ZKSCAN7: variants seen among roughly 807,000 people sequenced by gnomAD.
The protein encoded by ZKSCAN7 is zinc finger protein with KRAB and SCAN domains 7.
A neutral mutation model predicts 65.3 loss-of-function variants in ZKSCAN7; 38 were observed. That is an observed-to-expected ratio of 0.58 (90% CI 0.45 to 0.76). ZKSCAN7 has a LOEUF of 0.76. ZKSCAN7 is among the 30% of genes least tolerant of loss of function. The pLI is 0.00. For missense variants in ZKSCAN7, 815 were observed against 913.3 expected (o/e 0.89, Z 1.39); for synonymous variants, 321 against 321.0 (o/e 1.00, Z 0.00).
chr3:44,571,941 T>G lies in ZKSCAN7; in HGVS notation c.*566T>G. 1.0e-6 allele frequency: 1 copy of G among 986,520 alleles called. No homozygotes were observed. Among genetic ancestry groups the G allele is most frequent in the Non-Finnish European group, 1.2e-6 (1 of 830,616 alleles). The allele number at this position is 986,520 out of a possible 1,614,324, so 61.1% of individuals were successfully genotyped here. A position where few individuals can be genotyped will look rare whatever the true frequency, so the allele number is the denominator to read the frequency against. ...GAAATACTTTCTTCTTCAAGTACTT[T>G]TTTATTTTTCTTCAACTTCTCTTGA... On this transcript the variant is annotated 3_prime_UTR_variant, in exon 6 of 6. Coordinates refer to ENST00000426540, the MANE Select transcript of ZKSCAN7 (RefSeq NM_001288590.2).
At chr3:44,558,073 C>T (rs1699352826) in intron 2 of ZKSCAN7, among the ~76,000 whole-genome samples, 2 of 152,146 alleles carry the variant, frequency 1.3e-5, no homozygotes, top group African/African-American at 4.8e-5. Flanking sequence ...CAGTAAGACA[C>T]ATTGGAAAAT....
At position 44,567,060 on chromosome 3, in the gene ZKSCAN7, G is replaced by A. The variant is rs1699652302; in HGVS notation, c.593-852G>A. ...GAGCCTGGGAGGCAGAGGTTTCAGT[G>A]AGGCATGATCATGCCACTGCACTGC... is the stretch of plus-strand genomic sequence containing the variant. On this transcript the variant is annotated intron_variant, in intron 3 of 5. Coordinates refer to ENST00000426540, the MANE Select transcript of ZKSCAN7 (RefSeq NM_001288590.2). Among the ~76,000 whole-genome samples, 4 of 152,024 alleles carry A rather than the reference G, an allele frequency of 2.6e-5. No homozygotes were observed. The South Asian group carries it at 8.3e-4, about 32-fold the overall frequency.
At chr3:44,579,552 G>A (rs971159749) in intron 5 of ZKSCAN7, among the ~76,000 whole-genome samples, 3 of 152,114 alleles carry the variant, frequency 2.0e-5, no homozygotes, top group Non-Finnish European at 4.4e-5. Context: ...TTTTCCTCTG[G>A]CAACCAGCTG....
chr3:44,580,654 C>A, intron 5 of ZKSCAN7: 2 of 1,613,950 alleles, frequency 1.2e-6, no homozygotes, highest in Non-Finnish European at 1.7e-6. Flanking sequence ...TGCTCCTTCT[C>A]AGGCGTCAGA....
intron 2 of ZKSCAN7, among the ~76,000 whole-genome samples, chr3:44,563,127 G>A (rs1699531114): frequency 6.6e-6 from 1 of 152,124 alleles, no homozygotes; most frequent in Admixed American, 6.5e-5. Flanking sequence ...TTCCCAATAT[G>A]TTTTTCATCT....
chr3:44,558,088 T>C (rs981102114), intron 2 of ZKSCAN7, among the ~76,000 whole-genome samples: 2 of 152,076 alleles, frequency 1.3e-5, no homozygotes, highest in African/African-American at 4.8e-5. Flanking sequence ...GAAAATCTGG[T>C]TTCTAGGACC....
chr3:44,581,802 A>G (rs1030480190), intron 5 of ZKSCAN7, among the ~76,000 whole-genome samples: 7 of 152,198 alleles, frequency 4.6e-5, no homozygotes, highest in Admixed American at 3.9e-4. Flanking sequence ...AACCCTTATC[A>G]TAAACTCCAG....
At chr3:44,573,904 T>C (rs1055768531), downstream of ZKSCAN7, among the ~76,000 whole-genome samples, 3 of 152,172 alleles carry the variant, frequency 2.0e-5, no homozygotes, top group South Asian at 6.2e-4. Flanking sequence ...AGTGTGTGCC[T>C]TGACATCCTT....
At position 44,571,216 on chromosome 3, in the gene ZKSCAN7, C is replaced by CACACACAATA; in HGVS notation, c.2107_2108insCACACAATAA (p.Ser703ThrfsTer21). The CACACACAATA allele has an allele frequency of 6.2e-7, 1 of 1,614,156 alleles. No individual in the cohort carries two copies. The highest frequency in any genetic ancestry group is 1.1e-5 in the South Asian group (1 of 91,078). On this transcript the variant is annotated frameshift_variant, in exon 6 of 6. Coordinates refer to ENST00000426540, the MANE Select transcript of ZKSCAN7 (RefSeq NM_001288590.2). LOFTEE classifies it high-confidence loss of function. ...ATGATTGTGGGAAAGCTTTTAGTGA[C>CACACACAATA]AGCTCACAGCTTATTGTACACCAGA...
chr3:44,578,815 T>G (rs1357910229), intron 5 of ZKSCAN7, among the ~76,000 whole-genome samples: 1 of 152,206 alleles, frequency 6.6e-6, no homozygotes, highest in Non-Finnish European at 1.5e-5. Context: ...TCTGGAGATC[T>G]TCAATCTTCT....
chr3:44,573,350 G>A (rs951039706), downstream of ZKSCAN7, among the ~76,000 whole-genome samples: 1 of 152,202 alleles, frequency 6.6e-6, no homozygotes, highest in Non-Finnish European at 1.5e-5. Context: ...AGCCATGCGA[G>A]TTATATAATC....
In ZKSCAN7 at chr3:44,571,505, C is replaced by T. The variant is rs544091872; in HGVS notation, c.*130C>T. Reference sequence around the variant, plus strand: ...TCCCTACTTGCTTTTCCTTGGATCACTAAGGTGGGAGAGTAGGAGTAACTT... The same window carrying T: ...TCCCTACTTGCTTTTCCTTGGATCATTAAGGTGGGAGAGTAGGAGTAACTT... On this transcript the variant is annotated 3_prime_UTR_variant, in exon 6 of 6. Transcript: ENST00000426540. 8 of 1,581,580 alleles carry T rather than the reference C, an allele frequency of 5.1e-6. No homozygotes were observed. The African/African-American group carries it at 1.1e-4, about 21-fold the overall frequency.
chr3:44,567,764 A>G (rs1699677795), intron 3 of ZKSCAN7, 148 bp from the exon 4 acceptor site: 1 of 561,374 alleles, frequency 1.8e-6, no homozygotes, highest in Non-Finnish European at 3.2e-6. Context: ...AATTCACACC[A>G]CTCTTGGGAT....
chr3:44,570,120 A>G lies in ZKSCAN7; in HGVS notation c.1010A>G (p.Asp337Gly). 5 of 1,614,010 alleles carry G rather than the reference A, an allele frequency of 3.1e-6. No individual in the cohort carries two copies. Among genetic ancestry groups the G allele is most frequent in the Non-Finnish European group, 4.2e-6 (5 of 1,179,984 alleles). ...SDEEGSRLEN[D>G]FLEITDEDKK... ...GAAGAAGGGAGCAGACTAGAAAATG[A>G]TTTCTTGGAAATAACAGATGAAGAT... is the stretch of plus-strand genomic sequence containing the variant. The change falls in exon 6 of 6, where the codon GAT becomes GGT. Residue 337 changes from aspartate (D) to glycine (G), a missense_variant. Asp to Gly is a moderately conservative substitution (Grantham distance 94). Transcript: ENST00000426540.
intron 5 of ZKSCAN7, chr3:44,580,089 T>A: frequency 3.7e-6 from 6 of 1,606,332 alleles, no homozygotes; most frequent in Non-Finnish European, 5.1e-6. Context: ...CTCCATGTGC[T>A]CTGCCTTCTC....
Position 44,572,105 on chromosome 3 carries a change from A to G in ZKSCAN7, c.*730A>G. Reference sequence around the variant, plus strand: ...GGTCAGGTATGTATTTCTTTCCCATATAGATAGTATTTTGTACATACCAGT... The same window carrying G: ...GGTCAGGTATGTATTTCTTTCCCATGTAGATAGTATTTTGTACATACCAGT... On this transcript the variant is annotated 3_prime_UTR_variant, in exon 6 of 6. Transcript: ENST00000426540. 1 of 983,388 alleles carries G rather than the reference A, an allele frequency of 1.0e-6. No homozygotes were observed. The highest frequency in any genetic ancestry group is 1.2e-6 in the Non-Finnish European group (1 of 828,136). The allele number at this position is 983,388 out of a possible 1,614,324, so 60.9% of individuals were successfully genotyped here.
In ZKSCAN7 at chr3:44,572,146, T is replaced by A. The variant is rs1456168437; in HGVS notation, c.*771T>A. 1 of 985,284 alleles carries A rather than the reference T, an allele frequency of 1.0e-6. No homozygotes were observed. Among genetic ancestry groups the A allele is most frequent in the African/African-American group, 1.7e-5 (1 of 57,238 alleles). The allele number at this position is 985,284 out of a possible 1,614,324, so 61.0% of individuals were successfully genotyped here. ...ACATACCAGTTGTTAAATAAATAAT[T>A]TTTAAAATCTCAGCTCTCACATTGA... On this transcript the variant is annotated 3_prime_UTR_variant, in exon 6 of 6. Transcript: ENST00000426540.
At chr3:44,572,346 TTGTGTGTGTGTGTGTGTGTGTGTGTG>T (rs3080634), downstream of ZKSCAN7, among the ~76,000 whole-genome samples, 2 of 143,646 alleles carry the variant, frequency 1.4e-5, no homozygotes, top group Non-Finnish European at 3.0e-5. Context: ...CGAATGGATT[TTGTGTGTGTGTGTGTGTGTGTGTGTG>T]TGTGTGTGTG....
chr3:44,580,618 T>A, intron 5 of ZKSCAN7: 2 of 1,613,852 alleles, frequency 1.2e-6, no homozygotes, highest in Non-Finnish European at 1.7e-6. Context: ...CCACTGACGA[T>A]CTCCTTGGTC....
Sources: allele counts gnomAD v4.1 joint callset (sites outside exome capture counted in the v4.1 genomes callset), GRCh38; gene constraint gnomAD v4.1.1; transcripts MANE v1.5; gene names NCBI Gene and HGNC (gene_info 2026-07-23, HGNC 2026-07-21).